Variants in ACACA observed in about 807,000 individuals in gnomAD.
ACACA encodes the protein acetyl-CoA carboxylase 1.
A neutral mutation model predicts 296.1 loss-of-function variants in ACACA; 103 were observed. That is an observed-to-expected ratio of 0.35 (90% confidence interval 0.30 to 0.41). The LOEUF is 0.41. Ranked by LOEUF, ACACA falls within the 10% of genes least tolerant of loss-of-function variation. ACACA has a pLI of 1.00. For missense variants in ACACA, 1,554 were observed against 2,989.7 expected, an observed-to-expected ratio of 0.52 and a Z score of 11.20; for synonymous variants, 953 against 1,038.6, an observed-to-expected ratio of 0.92 and a Z score of 1.58.
chr17:37,135,518 A>C (rs989014045), intron 45 of ACACA, among the ~76,000 whole-genome samples: 1 of 152,192 alleles, frequency 6.6e-6, no homozygotes, highest in Non-Finnish European at 1.5e-5. Flanking sequence ...CAAATCATGA[A>C]GTGATCAGGT....
chr17:37,299,615 G>A (rs2083520416), intron 3 of ACACA: 2 of 1,211,844 alleles, frequency 1.7e-6, no homozygotes, highest in Admixed American at 4.0e-5. Context: ...ATTTCCCAAG[G>A]GAACTGAGAG....
At chr17:37,163,621 G>A (rs1201886459) in intron 41 of ACACA, among the ~76,000 whole-genome samples, 1 of 152,148 alleles carries the variant, frequency 6.6e-6, no homozygotes, top group East Asian at 1.9e-4. Flanking sequence ...AGGAATAACA[G>A]AAACACTCTT....
At chr17:37,159,726 T>C (rs748873323) in intron 42 of ACACA, among the ~76,000 whole-genome samples, 16 of 152,342 alleles carry the variant, frequency 1.1e-4, no homozygotes, top group Middle Eastern at 3.4e-3. Flanking sequence ...CTTGATGAGT[T>C]ATGACAAATG....
chr17:37,138,391 G>T (rs2075419203), intron 45 of ACACA, among the ~76,000 whole-genome samples: 1 of 152,322 alleles, frequency 6.6e-6, no homozygotes, highest in South Asian at 2.1e-4. Flanking sequence ...AGAAAAGACT[G>T]GAGTCCTTGC....
chr17:37,113,199 G>A lies in ACACA; in HGVS notation c.6341C>T (p.Pro2114Leu). 1 of 1,614,212 alleles carries A rather than the reference G, an allele frequency of 6.2e-7. No individual in the cohort carries two copies. The highest frequency in any genetic ancestry group is 1.3e-5 in the African/African-American group (1 of 75,054). Reference sequence around the variant, plus strand: ...CTGGGGAGGAATGTAAACCAGCACAGGCTGGCAGCACTCCCTCAAGCCATC... The same window carrying A: ...CTGGGGAGGAATGTAAACCAGCACAAGCTGGCAGCACTCCCTCAAGCCATC... ...IVDGLRECCQ[P>L]VLVYIPPQAE... The change falls in exon 51 of 56, where the codon CCT becomes CTT. Residue 2114 changes from proline (P) to leucine (L), a missense_variant. Transcript: ENST00000616317. This position sits in a 1 kb window ranked among gnomAD's most constrained non-coding sequence, Gnocchi z 4.0.
At chr17:37,144,291 T>C in intron 45 of ACACA, 3 of 584,662 alleles carry the variant, frequency 5.1e-6, no homozygotes, top group Non-Finnish European at 6.3e-6. Context: ...CCTTTGCCCA[T>C]GTTTAGTTGT....
chr17:37,133,391 T>A (rs1420665397), intron 45 of ACACA, among the ~76,000 whole-genome samples: 4 of 152,240 alleles, frequency 2.6e-5, no homozygotes, highest in African/African-American at 9.6e-5. Context: ...CAAGTGGTTT[T>A]AATGATTTTA....
At chr17:37,183,083 T>C (rs1474067684) in intron 39 of ACACA, among the ~76,000 whole-genome samples, 1 of 152,198 alleles carries the variant, frequency 6.6e-6, no homozygotes, top group Non-Finnish European at 1.5e-5. Flanking sequence ...GAGAAAACTG[T>C]ACTCAGAGCA....
In ACACA at chr17:37,192,272, G is replaced by A; in HGVS notation, c.4234C>T (p.Pro1412Ser). 1.9e-6 allele frequency: 3 copies of A among 1,613,980 alleles called. No homozygotes were observed. The highest frequency in any genetic ancestry group is 2.5e-6 in the Non-Finnish European group (3 of 1,179,996). ...EEDRIYRHLEPALAFQLELNR... is the reference protein window; with the variant it reads ...EEDRIYRHLESALAFQLELNR... Reference sequence around the variant, plus strand: ...AGCTCTAACTGGAAAGCCAGAGCAGGCTCCAGATGACGATAGATACGATCC... The same window carrying A: ...AGCTCTAACTGGAAAGCCAGAGCAGACTCCAGATGACGATAGATACGATCC... Residue 1412 changes from proline (P) to serine (S), a missense_variant, in exon 37 of 56, where the codon CCT becomes TCT. Around this residue, in one of 16 missense-constraint regions of ACACA, gnomAD observed 179 missense variants for 283.2 expected, o/e 0.63. Coordinates refer to ENST00000616317, the MANE Select transcript of ACACA (RefSeq NM_198834.3).
At chr17:37,283,513 A>T in intron 4 of ACACA, 108 bp from the exon 5 acceptor site, 1 of 1,371,816 alleles carries the variant, frequency 7.3e-7, no homozygotes, top group Non-Finnish European at 1.0e-6. Flanking sequence ...TGTAAAAGTC[A>T]TACTTTCAAC....
chr17:37,255,624 C>A (rs1471933414), intron 14 of ACACA, among the ~76,000 whole-genome samples: 1 of 152,190 alleles, frequency 6.6e-6, no homozygotes, highest in Non-Finnish European at 1.5e-5. Context: ...TAAATGCCAA[C>A]AGAGGCCAGT....
intron 1 of ACACA, among the ~76,000 whole-genome samples, chr17:37,344,118 A>T (rs1418760974): frequency 2.6e-5 from 4 of 151,738 alleles, no homozygotes; most frequent in South Asian, 4.1e-4. Flanking sequence ...AAATTTAAAA[A>T]TTTTTTTAAA....
At chr17:37,254,738 C>T (rs2146147490) in intron 14 of ACACA, among the ~76,000 whole-genome samples, 1 of 152,042 alleles carries the variant, frequency 6.6e-6, no homozygotes, top group East Asian at 1.9e-4. Context: ...TATCCCAGCA[C>T]TTTGGGAGGC....
intron 42 of ACACA, among the ~76,000 whole-genome samples, chr17:37,160,148 A>G (rs1364043510): frequency 6.6e-6 from 1 of 152,194 alleles, no homozygotes; most frequent in East Asian, 1.9e-4. Context: ...ATTTTCCTGT[A>G]AAGGGAAGGA....
chr17:37,181,901 A>T (rs2077336521), intron 39 of ACACA, among the ~76,000 whole-genome samples: 1 of 72,966 alleles, frequency 1.4e-5, no homozygotes, highest in Non-Finnish European at 2.5e-5. Flanking sequence ...CTCTGTATCC[A>T]AAAAAAAAAA....
chr17:37,363,179 C>CTTTTTTTTTTTTTT (rs902746004), intron 1 of ACACA, among the ~76,000 whole-genome samples: 10 of 72,850 alleles, frequency 1.4e-4, no homozygotes, highest in East Asian at 8.6e-4. Context: ...TTCTCTTTTT[C>CTTTTTTTTTTTTTT]TTTTTTTTTT....
In ACACA at chr17:37,405,855, C is replaced by CTTTTTTTT. The variant is rs3049528; in HGVS notation, c.38+399_38+406dup. ...GCGTGAGCCACCGCGCCCGGCAGGGCTTTTTTTTTTTTTTTTTTTTGGAAT... is the reference window on the plus strand; with the variant it reads ...GCGTGAGCCACCGCGCCCGGCAGGGCTTTTTTTTTTTTTTTTTTTTTTTTTTTTGGAAT... On this transcript the variant is annotated intron_variant, in intron 1 of 55. Transcript: ENST00000616317. Among the ~76,000 whole-genome samples the CTTTTTTTT allele has an allele frequency of 3.7e-5, 2 of 53,560 alleles. 1 individual carries two copies. The highest frequency in any genetic ancestry group is 1.5e-4 in the African/African-American group (2 of 13,154). The allele number at this position is 53,560 out of a possible 152,430, so 35.1% of individuals were successfully genotyped here. A position where few individuals can be genotyped will look rare whatever the true frequency, so the allele number is the denominator to read the frequency against.
At chr17:37,377,101 C>T (rs1349846293) in intron 1 of ACACA, among the ~76,000 whole-genome samples, 3 of 152,070 alleles carry the variant, frequency 2.0e-5, no homozygotes, top group Non-Finnish European at 4.4e-5. Flanking sequence ...ATAACTAAGA[C>T]CTATGGTTCT....
chr17:37,383,704 A>G (rs1438134893), intron 1 of ACACA, among the ~76,000 whole-genome samples: 7 of 152,072 alleles, frequency 4.6e-5, no homozygotes, highest in Admixed American at 2.0e-4. Context: ...CACCATGCCC[A>G]GCTAATTTTT....
Sources: allele counts gnomAD v4.1 joint callset (sites outside exome capture counted in the v4.1 genomes callset), GRCh38; gene constraint gnomAD v4.1.1; regional missense constraint gnomAD v4.1.1; non-coding constraint Gnocchi (gnomAD v3.1); transcripts MANE v1.5; gene names NCBI Gene and HGNC (gene_info 2026-07-23, HGNC 2026-07-21).